The following GMDS variants were observed in gnomAD, a reference collection of about 807,000 sequenced individuals.
GMDS encodes GDP-mannose 4,6-dehydratase.
Under a neutral mutation model 49.9 loss-of-function variants are expected in GMDS, and 20 were observed. That is an observed-to-expected ratio of 0.40 (90% CI 0.28 to 0.58). The LOEUF (loss-of-function observed/expected upper bound fraction) is 0.58, where lower values mean the gene tolerates loss of function less well. Among genes scored for constraint, GMDS ranks in the 20% least tolerant of loss-of-function variants. GMDS has a pLI of 0.42. For synonymous variants in GMDS, 177 were observed against 178.6 expected (o/e 0.99, Z 0.07); for missense variants, 362 against 481.4 (o/e 0.75, Z 2.32).
intron 4 of GMDS, among the ~76,000 whole-genome samples, chr6:2,065,217 C>A (rs1427925841): frequency 1.3e-5 from 2 of 152,066 alleles, no homozygotes; most frequent in Non-Finnish European, 2.9e-5. Flanking sequence ...AGGGTCCTGT[C>A]TGTTAGAGGG....
chr6:1,670,523 C>T (rs1046040001), intron 9 of GMDS, among the ~76,000 whole-genome samples: 2 of 151,390 alleles, frequency 1.3e-5, no homozygotes, highest in Non-Finnish European at 2.9e-5. Flanking sequence ...ATGAGCAGCT[C>T]AGATATGTAA....
chr6:1,990,101 C>A (rs974036406), intron 4 of GMDS, among the ~76,000 whole-genome samples: 2 of 152,174 alleles, frequency 1.3e-5, no homozygotes, highest in Admixed American at 1.3e-4. Flanking sequence ...TCGAGACCAT[C>A]TTGGCTAATA....
At chr6:2,108,278 G>C (rs1020065339) in intron 4 of GMDS, among the ~76,000 whole-genome samples, 2 of 152,078 alleles carry the variant, frequency 1.3e-5, no homozygotes, top group Non-Finnish European at 2.9e-5. Context: ...TTCTAACAAC[G>C]TCTTCATTAA....
chr6:1,960,499 T>A (rs560475111), intron 5 of GMDS, among the ~76,000 whole-genome samples: 1 of 152,336 alleles, frequency 6.6e-6, no homozygotes, highest in East Asian at 1.9e-4. Context: ...TGATTTTCCA[T>A]TTCAAGTGAT....
chr6:1,660,781 A>G (rs1764042852), intron 9 of GMDS, among the ~76,000 whole-genome samples: 1 of 146,050 alleles, frequency 6.8e-6, no homozygotes, highest in African/African-American at 2.5e-5. Context: ...AGGCAATACG[A>G]GATGACAGGA....
intron 1 of GMDS, among the ~76,000 whole-genome samples, chr6:2,186,451 C>T (rs1459677098): frequency 2.0e-5 from 3 of 152,180 alleles, no homozygotes; most frequent in Non-Finnish European, 4.4e-5. Context: ...CATTAATACA[C>T]TTGAATATCT....
intron 7 of GMDS, among the ~76,000 whole-genome samples, chr6:1,924,551 A>G (rs1761896240): frequency 1.3e-5 from 2 of 152,210 alleles, no homozygotes; most frequent in Non-Finnish European, 1.5e-5. Context: ...TTAGCTTATC[A>G]GTCAATATGT....
chr6:2,125,275 TAAAAC>T lies in GMDS; in HGVS notation c.103-549_103-545del, dbSNP rs374647835. On this transcript the variant is annotated intron_variant, in intron 1 of 10. Transcript: ENST00000380815. ...CAACACAGTGAGACCTTAGCACTGT[TAAAAC>T]AAAACAAAACAAAACAAAACAAAAA... is the stretch of plus-strand genomic sequence containing the variant. 5.6e-3 allele frequency among the ~76,000 whole-genome samples: 848 copies of T among 151,330 alleles called. 2 individuals carry two copies. The highest frequency in any genetic ancestry group is 0.017 in the Middle Eastern group (5 of 294).
intron 9 of GMDS, among the ~76,000 whole-genome samples, chr6:1,699,960 C>T (rs1765484397): frequency 6.6e-6 from 1 of 152,178 alleles, no homozygotes; most frequent in Admixed American, 6.5e-5. Context: ...AGCATCTCAC[C>T]CATGTTCTCC....
intron 9 of GMDS, among the ~76,000 whole-genome samples, chr6:1,670,595 G>C (rs1764390562): frequency 6.6e-6 from 1 of 152,118 alleles, no homozygotes; most frequent in South Asian, 2.1e-4. Flanking sequence ...TGAAAAGCTA[G>C]AATATTTTCT....
intron 1 of GMDS, among the ~76,000 whole-genome samples, chr6:2,232,937 G>A (rs1180314171): frequency 2.0e-5 from 3 of 152,130 alleles, no homozygotes; most frequent in African/African-American, 7.2e-5. Flanking sequence ...CCAGATCTAA[G>A]GCAAAGGGAA....
In GMDS at chr6:2,024,498, G is replaced by A. The variant is rs151200699; in HGVS notation, c.346-63532C>T. ...TGAAATTACTGGAAAGCAATAAATC[G>A]AAACATGGGAAGTAGCAGTTCAGGG... is the stretch of plus-strand genomic sequence containing the variant. On this transcript the variant is annotated intron_variant, in intron 4 of 10. Coordinates refer to ENST00000380815, the MANE Select transcript of GMDS (RefSeq NM_001500.4). 6.5e-3 allele frequency among the ~76,000 whole-genome samples: 992 copies of A among 152,152 alleles called. 11 individuals are homozygous for A. The highest frequency in any genetic ancestry group is 0.023 in the African/African-American group (947 of 41,546).
At chr6:1,631,255 A>C (rs940358946) in intron 9 of GMDS, among the ~76,000 whole-genome samples, 3 of 152,108 alleles carry the variant, frequency 2.0e-5, no homozygotes, top group Non-Finnish European at 4.4e-5. Flanking sequence ...GCAACTTAAG[A>C]GATTTTGTAT....
intron 8 of GMDS, among the ~76,000 whole-genome samples, chr6:1,741,637 C>T (rs991641518): frequency 4.0e-5 from 6 of 151,550 alleles, no homozygotes; most frequent in African/African-American, 1.5e-4. Flanking sequence ...CACAATGAAA[C>T]CCCATCTCTA....
At chr6:1,639,973 T>C (rs1166970020) in intron 9 of GMDS, among the ~76,000 whole-genome samples, 1 of 152,216 alleles carries the variant, frequency 6.6e-6, no homozygotes, top group Non-Finnish European at 1.5e-5. Flanking sequence ...GGGCCTAGGT[T>C]CCATGATGTA....
chr6:1,865,842 G>A (rs547885397), intron 7 of GMDS, among the ~76,000 whole-genome samples: 24 of 152,082 alleles, frequency 1.6e-4, no homozygotes, highest in Admixed American at 1.2e-3. Context: ...CACAGGCTCC[G>A]TGCACAGCCC....
chr6:1,624,323 C>G, intron 10 of GMDS, 92 bp from the exon 11 acceptor site: 1 of 1,333,600 alleles, frequency 7.5e-7, no homozygotes, highest in Non-Finnish European at 1.1e-6. Context: ...GAGGCCTCCG[C>G]GTCCCTCGTT....
chr6:1,685,122 T>C (rs566860510), intron 9 of GMDS, among the ~76,000 whole-genome samples: 3 of 151,804 alleles, frequency 2.0e-5, no homozygotes, highest in Admixed American at 6.6e-5. Context: ...GGAGGCTGAG[T>C]GCGGTGGCTC....
At chr6:2,146,486 G>C (rs9378685) in intron 1 of GMDS, among the ~76,000 whole-genome samples, 26,647 of 152,046 alleles carry the variant, frequency 0.18, 2,752 homozygotes, top group Middle Eastern at 0.22. Flanking sequence ...TTGAGTCTCC[G>C]GCATTAACAA....
Sources: allele counts gnomAD v4.1 joint callset (sites outside exome capture counted in the v4.1 genomes callset), GRCh38; gene constraint gnomAD v4.1.1; transcripts MANE v1.5; gene names NCBI Gene and HGNC (gene_info 2026-07-23, HGNC 2026-07-21).